ALMS1: variants seen among roughly 807,000 people sequenced by gnomAD.
The protein encoded by ALMS1 is centrosome-associated protein ALMS1.
ALMS1 carries 271 observed loss-of-function variants against 352.2 expected under a neutral mutation model. That is an observed-to-expected ratio of 0.77 (90% CI 0.70 to 0.85). The LOEUF (loss-of-function observed/expected upper bound fraction) is 0.85. Among genes scored for constraint, ALMS1 ranks in the 40% least tolerant of loss-of-function variants. The pLI is 0.00. For missense variants in ALMS1, 5,445 were observed against 4,870.7 expected (o/e 1.12, Z -3.51); for synonymous variants, 1,865 against 1,761.2 (o/e 1.06, Z -1.48).
chr2:73,455,084 G>T, intron 8 of ALMS1, 78 bp from the exon 9 acceptor site: 1 of 1,488,980 alleles, frequency 6.7e-7, no homozygotes, highest in Non-Finnish European at 9.3e-7. Flanking sequence ...TGCATATATT[G>T]ATGATCTTCT....
At position 73,600,705 on chromosome 2, in the gene ALMS1, A is replaced by G. The variant is rs1347288383; in HGVS notation, c.11696A>G (p.Lys3899Arg). 5 of 1,613,974 alleles carry G rather than the reference A, an allele frequency of 3.1e-6. No homozygotes were observed. The highest frequency in any genetic ancestry group is 1.3e-5 in the African/African-American group (1 of 74,926). ...AACTTGGAGATTGTGAACGGTGCCA[A>G]AAAACACACTCGAGATGTTGGGATA... Reference protein sequence around the residue: ...AGNLEIVNGAKKHTRDVGITF... With the variant: ...AGNLEIVNGARKHTRDVGITF... Residue 3899 changes from lysine (K) to arginine (R), a missense_variant, in exon 18 of 23, where the codon AAA becomes AGA. Physicochemically the swap from Lys to Arg is conservative, Grantham distance 26. Coordinates refer to ENST00000613296, the MANE Select transcript of ALMS1 (RefSeq NM_001378454.1).
intron 1 of ALMS1, among the ~76,000 whole-genome samples, chr2:73,402,552 G>T (rs768482836): frequency 1.3e-5 from 2 of 152,048 alleles, no homozygotes; most frequent in Admixed American, 1.3e-4. Flanking sequence ...GAGCCACCGC[G>T]CCCAGTCGTA....
rs116465768 is a variant in ALMS1, at chr2:73,426,335, G to A, written c.1238-118G>A. The A allele has an allele frequency of 4.3e-3, 4,130 of 968,514 alleles. 116 individuals are homozygous for A. In the African/African-American group the frequency reaches 0.056, roughly 13 times the overall value. The allele number at this position is 968,514 out of a possible 1,614,324, so 60.0% of individuals were successfully genotyped here. On this transcript the variant is annotated intron_variant, in intron 5 of 22. Transcript: ENST00000613296. The stretch of plus-strand genomic sequence containing the variant: ...GACCAGTGATGCATCATTAATTGCA[G>A]TCGCCCAAGAGACATTGCTGAAAGC...
intron 16 of ALMS1, among the ~76,000 whole-genome samples, chr2:73,578,096 C>T (rs1675091008): frequency 6.6e-6 from 1 of 152,030 alleles, no homozygotes; most frequent in Non-Finnish European, 1.5e-5. Flanking sequence ...TTGTTATATC[C>T]TCTTCATGGA....
chr2:73,608,407 G>A, intron 21 of ALMS1, 68 bp from the exon 22 acceptor site: 1 of 1,217,414 alleles, frequency 8.2e-7, no homozygotes, highest in African/African-American at 1.5e-5. Flanking sequence ...ATGATGAGAG[G>A]AGATCTCATG....
chr2:73,505,086 G>A (rs1471429016), intron 10 of ALMS1, among the ~76,000 whole-genome samples: 1 of 152,120 alleles, frequency 6.6e-6, no homozygotes, highest in Non-Finnish European at 1.5e-5. Flanking sequence ...GTATTCCATG[G>A]TATATATGTG....
At chr2:73,415,956 A>C (rs1446544228) in intron 2 of ALMS1, among the ~76,000 whole-genome samples, 1 of 152,226 alleles carries the variant, frequency 6.6e-6, no homozygotes, top group East Asian at 1.9e-4. Flanking sequence ...GTCTCCGTGA[A>C]GTTAAAAAAT....
chr2:73,429,178 GCTGAAACTAGA>G (rs778457186), intron 6 of ALMS1, among the ~76,000 whole-genome samples: 6 of 151,696 alleles, frequency 4.0e-5, no homozygotes, highest in Non-Finnish European at 7.4e-5. Flanking sequence ...TCTTCACTTT[GCTGAAACTAGA>G]CTACTAGAGT....
At chr2:73,556,011 A>T (rs888454281) in intron 13 of ALMS1, among the ~76,000 whole-genome samples, 1 of 152,180 alleles carries the variant, frequency 6.6e-6, no homozygotes, top group African/African-American at 2.4e-5. Context: ...CTTGATATTG[A>T]TAAACTGTAA....
chr2:73,576,807 A>T (rs1675064332), intron 16 of ALMS1, among the ~76,000 whole-genome samples: 1 of 151,772 alleles, frequency 6.6e-6, no homozygotes, highest in Admixed American at 6.6e-5. Flanking sequence ...TTTTTAGTAG[A>T]GACAGGGTTT....
chr2:73,427,716 T>C (rs548290700), intron 6 of ALMS1, among the ~76,000 whole-genome samples: 1 of 152,316 alleles, frequency 6.6e-6, no homozygotes, highest in South Asian at 2.1e-4. Flanking sequence ...TTTTATTTGC[T>C]TGGATCCTTG....
At chr2:73,600,512 A>G (rs1363052422) in intron 17 of ALMS1, among the ~76,000 whole-genome samples, 166 bp from the exon 18 acceptor site, 1 of 150,360 alleles carries the variant, frequency 6.7e-6, no homozygotes, top group South Asian at 2.1e-4. Context: ...TTTCCCTCCT[A>G]CTCTCCCCTG....
At position 73,540,981 on chromosome 2, in the gene ALMS1, A is replaced by G. The variant is rs185397069; in HGVS notation, c.9907+6032A>G. 1.2e-3 allele frequency among the ~76,000 whole-genome samples: 176 copies of G among 152,336 alleles called. 1 individual carries two copies. The highest frequency in any genetic ancestry group is 4.0e-3 in the African/African-American group (166 of 41,568). The stretch of plus-strand genomic sequence containing the variant: ...AGATCAATGAGACAGAAAGTTAACA[A>G]GGCTATCCAGGAATTGAACTCAGCT... On this transcript the variant is annotated intron_variant, in intron 12 of 22. Transcript: ENST00000613296.
intron 1 of ALMS1, among the ~76,000 whole-genome samples, chr2:73,403,188 A>G (rs1347478200): frequency 1.3e-5 from 2 of 152,154 alleles, no homozygotes; most frequent in Non-Finnish European, 2.9e-5. Flanking sequence ...TCTTTAATCA[A>G]CTTTGAGTTG....
At chr2:73,516,370 C>G (rs1419652567) in intron 10 of ALMS1, among the ~76,000 whole-genome samples, 1 of 152,100 alleles carries the variant, frequency 6.6e-6, no homozygotes, top group East Asian at 1.9e-4. Flanking sequence ...AGTTCAGCCA[C>G]TGGGGAAAAC....
At chr2:73,500,478 G>A (rs1286152911) in intron 10 of ALMS1, among the ~76,000 whole-genome samples, 1 of 152,170 alleles carries the variant, frequency 6.6e-6, no homozygotes, top group African/African-American at 2.4e-5. Flanking sequence ...TTCCTTTGGT[G>A]TAAGTTGAAG....
intron 1 of ALMS1, among the ~76,000 whole-genome samples, chr2:73,398,140 A>G (rs560443143): frequency 6.6e-6 from 1 of 152,226 alleles, no homozygotes; most frequent in South Asian, 2.1e-4. Flanking sequence ...ATACTTTTGC[A>G]CTTTGAATTA....
At chr2:73,491,750 C>A (rs1185870416) in intron 10 of ALMS1, among the ~76,000 whole-genome samples, 3 of 152,072 alleles carry the variant, frequency 2.0e-5, no homozygotes, top group Non-Finnish European at 4.4e-5. Flanking sequence ...AATTGAATGA[C>A]CTTGAAAAGA....
intron 15 of ALMS1, among the ~76,000 whole-genome samples, chr2:73,567,852 G>A (rs1674834641): frequency 6.6e-6 from 1 of 152,032 alleles, no homozygotes; most frequent in Non-Finnish European, 1.5e-5. Flanking sequence ...ACAAAATCTT[G>A]GAGTCATAAA....
Sources: gnomAD v4.1 joint callset for allele counts (sites outside exome capture counted in the v4.1 genomes callset) on GRCh38, gnomAD v4.1.1 for gene constraint, MANE v1.5 for transcripts, NCBI Gene and HGNC (gene_info 2026-07-23, HGNC 2026-07-21) for gene names.